The following CUL5 variants were observed in gnomAD, a reference collection of about 807,000 sequenced individuals.
The protein encoded by CUL5 is cullin 5, also known as cullin-5.
CUL5 carries 26 observed loss-of-function variants against 108.8 expected under a neutral mutation model. The observed-to-expected ratio is 0.24, with a 90% CI of 0.18 to 0.33. The LOEUF (loss-of-function observed/expected upper bound fraction) is 0.33. Ranked by LOEUF, CUL5 falls within the 10% of genes least tolerant of loss-of-function variation. The pLI is 1.00. For synonymous variants in CUL5, 334 were observed against 298.0 expected (o/e 1.12, Z -1.25); for missense variants, 524 against 909.2 (o/e 0.58, Z 5.45).
intron 2 of CUL5, among the ~76,000 whole-genome samples, chr11:108,037,983 A>G (rs72996476): frequency 0.017 from 2,586 of 152,310 alleles, 38 homozygotes; most frequent in South Asian, 0.041. Context: ...ACATTGGGCT[A>G]TTGTAATCGT....
chr11:108,026,525 TCTC>T (rs1043064225), intron 1 of CUL5, among the ~76,000 whole-genome samples: 25 of 152,238 alleles, frequency 1.6e-4, no homozygotes, highest in African/African-American at 6.0e-4. Flanking sequence ...TCTTTTGCCT[TCTC>T]CTCTTAGCCT....
Position 108,087,675 on chromosome 11 carries a change from T to C in CUL5, c.1179-852T>C, listed in dbSNP as rs577678361. The stretch of plus-strand genomic sequence containing the variant: ...ACAATATGCTCTGTTTAAATTGTTA[T>C]CAGGAGCCAGGTGCGGTGGCCCACG... On this transcript the variant is annotated intron_variant, in intron 11 of 18. Transcript: ENST00000393094. 5.9e-5 allele frequency among the ~76,000 whole-genome samples: 9 copies of C among 152,302 alleles called. No homozygotes were observed. In the East Asian group the frequency reaches 1.7e-3, roughly 29 times the overall value.
At chr11:108,032,465 T>G (rs1243469812) in intron 1 of CUL5, among the ~76,000 whole-genome samples, 1 of 152,046 alleles carries the variant, frequency 6.6e-6, no homozygotes, top group Non-Finnish European at 1.5e-5. Context: ...CTATGATCAC[T>G]CCACTGCCCT....
intron 10 of CUL5, among the ~76,000 whole-genome samples, chr11:108,074,470 C>T (rs1863899950): frequency 6.6e-6 from 1 of 151,274 alleles, no homozygotes; most frequent in Admixed American, 6.6e-5. Flanking sequence ...GCTGGGATTA[C>T]AGGCCTGAGC....
intron 1 of CUL5, among the ~76,000 whole-genome samples, chr11:108,031,759 G>T (rs936300375): frequency 2.0e-5 from 3 of 152,136 alleles, no homozygotes; most frequent in Non-Finnish European, 4.4e-5. Flanking sequence ...ACAAAGACGT[G>T]AAATCACCCC....
chr11:108,083,792 C>A (rs1864156476), intron 11 of CUL5, among the ~76,000 whole-genome samples: 1 of 152,112 alleles, frequency 6.6e-6, no homozygotes, highest in Admixed American at 6.6e-5. Context: ...TAGAAAATTT[C>A]TGTGGAGTAG....
At position 108,023,112 on chromosome 11, in the gene CUL5, A is replaced by G. The variant is rs575148673; in HGVS notation, c.25-10690A>G. Among the ~76,000 whole-genome samples the G allele has an allele frequency of 6.8e-4, 103 of 152,232 alleles. 1 individual carries two copies. The Middle Eastern group carries it at 0.017, about 25-fold the overall frequency. ...AAAAAAAATAGCCGGGCATGGTGGC[A>G]CATGCCTGTAATCCCAGCTACCTGG... On this transcript the variant is annotated intron_variant, in intron 1 of 18. Transcript: ENST00000393094.
chr11:108,070,601 ATACTT>A (rs1351515463), intron 8 of CUL5, among the ~76,000 whole-genome samples: 2 of 134,686 alleles, frequency 1.5e-5, no homozygotes, highest in African/African-American at 5.5e-5. Flanking sequence ...GTCCCCCAAA[ATACTT>A]TATAAGATTT....
chr11:108,106,422 A>T lies in CUL5; in HGVS notation c.*2038A>T, dbSNP rs149508940. On this transcript the variant is annotated 3_prime_UTR_variant, in exon 19 of 19. Coordinates refer to ENST00000393094, the MANE Select transcript of CUL5 (RefSeq NM_003478.6). The stretch of plus-strand genomic sequence containing the variant: ...AGGTGAATTTAATGCAAAAGTGGGT[A>T]ACACTACATTCATAGCAAAGTTTTT... The T allele has an allele frequency of 6.5e-6, 1 of 152,690 alleles. No individual in the cohort carries two copies. Among genetic ancestry groups the T allele is most frequent in the South Asian group, 2.1e-4 (1 of 4,830 alleles). 9.5% of individuals were successfully genotyped at this position (152,690 alleles called of 1,614,324 possible).
intron 2 of CUL5, among the ~76,000 whole-genome samples, chr11:108,039,902 C>T (rs117271626): frequency 1.3e-5 from 2 of 152,224 alleles, no homozygotes; most frequent in African/African-American, 2.4e-5. Context: ...TGGTTGCCTT[C>T]GTGTTTCTTG....
At chr11:108,020,730 T>C (rs919545653) in intron 1 of CUL5, among the ~76,000 whole-genome samples, 20 of 152,132 alleles carry the variant, frequency 1.3e-4, no homozygotes, top group African/African-American at 4.8e-4. Context: ...AGTCAAAGTT[T>C]CCCAAAAAGA....
At chr11:108,082,234 C>G (rs1168345680) in intron 11 of CUL5, among the ~76,000 whole-genome samples, 1 of 150,300 alleles carries the variant, frequency 6.7e-6, no homozygotes, top group Non-Finnish European at 1.5e-5. Context: ...TTTTCCTTCC[C>G]CTTCCCCTTC....
chr11:108,024,121 A>G (rs1862398755), intron 1 of CUL5, among the ~76,000 whole-genome samples: 1 of 152,242 alleles, frequency 6.6e-6, no homozygotes, highest in Non-Finnish European at 1.5e-5. Context: ...TATCCAGGAA[A>G]GGACCAGAGA....
intron 1 of CUL5, among the ~76,000 whole-genome samples, chr11:108,026,636 A>G (rs990606829): frequency 6.6e-6 from 1 of 152,008 alleles, no homozygotes; most frequent in Non-Finnish European, 1.5e-5. Flanking sequence ...TCCCCACATC[A>G]TCAACATTTC....
intron 16 of CUL5, among the ~76,000 whole-genome samples, chr11:108,096,059 A>G (rs558615893): frequency 2.6e-5 from 4 of 151,112 alleles, no homozygotes; most frequent in Non-Finnish European, 4.4e-5. Flanking sequence ...TTGCGCCACT[A>G]CACTCCAGCC....
chr11:108,026,351 C>T (rs1471306872), intron 1 of CUL5, among the ~76,000 whole-genome samples: 1 of 152,126 alleles, frequency 6.6e-6, no homozygotes, highest in African/African-American at 2.4e-5. Context: ...TTCCACTTTC[C>T]TAGATGTATT....
intron 1 of CUL5, among the ~76,000 whole-genome samples, chr11:108,013,988 AT>A (rs1430884122): frequency 2.0e-5 from 3 of 152,242 alleles, no homozygotes; most frequent in Admixed American, 2.0e-4. Context: ...ATGCAAAGAT[AT>A]GTAGAACAAT....
At chr11:108,044,000 G>A (rs1342653235) in intron 2 of CUL5, among the ~76,000 whole-genome samples, 1 of 152,164 alleles carries the variant, frequency 6.6e-6, no homozygotes, top group Admixed American at 6.5e-5. Flanking sequence ...TTCAGCCTGG[G>A]CAACAAGAGT....
At chr11:108,037,912 C>T (rs2135098322) in intron 2 of CUL5, among the ~76,000 whole-genome samples, 1 of 152,324 alleles carries the variant, frequency 6.6e-6, no homozygotes, top group Middle Eastern at 3.4e-3. Context: ...ATAGCAGTCT[C>T]AGACACACTA....
Sources: allele counts gnomAD v4.1 joint callset (sites outside exome capture counted in the v4.1 genomes callset), GRCh38; gene constraint gnomAD v4.1.1; transcripts MANE v1.5; gene names NCBI Gene and HGNC (gene_info 2026-07-23, HGNC 2026-07-21).